The following LRRC4C variants were observed in gnomAD, a reference collection of about 807,000 sequenced individuals.
LRRC4C encodes leucine-rich repeat-containing protein 4C.
LRRC4C carries 5 observed loss-of-function variants against 33.6 expected under a neutral mutation model. The ratio of observed to expected loss-of-function variants is 0.15; its 90% confidence interval spans 0.08 to 0.31. LRRC4C has a LOEUF of 0.31. Among genes scored for constraint, LRRC4C ranks in the 10% least tolerant of loss-of-function variants. The pLI is 1.00. For synonymous variants in LRRC4C, 329 were observed against 302.0 expected, an observed-to-expected ratio of 1.09 and a Z score of -0.93; for missense variants, 560 against 796.7, an observed-to-expected ratio of 0.70 and a Z score of 3.58.
chr11:40,886,922 T>A (rs2136072877), intron 2 of LRRC4C, among the ~76,000 whole-genome samples: 1 of 149,250 alleles, frequency 6.7e-6, no homozygotes, highest in Admixed American at 6.7e-5. Context: ...CAGCAAATAT[T>A]TATATATATA....
intron 1 of LRRC4C, among the ~76,000 whole-genome samples, chr11:40,994,744 G>C (rs1853838079): frequency 1.3e-5 from 2 of 152,008 alleles, no homozygotes; most frequent in Non-Finnish European, 1.5e-5. Flanking sequence ...TCCCAACTTG[G>C]ATGGGCTCTT....
intron 2 of LRRC4C, among the ~76,000 whole-genome samples, chr11:40,784,048 C>A (rs540797895): frequency 2.0e-5 from 3 of 151,022 alleles, no homozygotes; most frequent in East Asian, 1.9e-4. Context: ...AAATAAGAAT[C>A]ATTTATCAAG....
chr11:40,715,348 A>G (rs147039110), intron 2 of LRRC4C, among the ~76,000 whole-genome samples: 22 of 152,344 alleles, frequency 1.4e-4, no homozygotes, highest in African/African-American at 5.3e-4. Context: ...ATAAAATGCC[A>G]TTTCAATTCA....
chr11:41,280,340 G>A (rs1949622763), intron 1 of LRRC4C, among the ~76,000 whole-genome samples: 2 of 147,188 alleles, frequency 1.4e-5, no homozygotes, highest in Admixed American at 1.3e-4. Context: ...TTCCTAGATG[G>A]GTCAAGTAGT....
At chr11:40,643,187 C>T (rs545105381) in intron 3 of LRRC4C, among the ~76,000 whole-genome samples, 14 of 152,238 alleles carry the variant, frequency 9.2e-5, no homozygotes, top group Admixed American at 5.2e-4. Context: ...TATATACACA[C>T]ACACACAGAG....
chr11:40,700,801 T>C (rs542241035), intron 2 of LRRC4C, among the ~76,000 whole-genome samples: 2 of 152,262 alleles, frequency 1.3e-5, no homozygotes, highest in East Asian at 1.9e-4. Context: ...TTAACAATCA[T>C]TTACCCAAAG....
chr11:40,934,665 T>A (rs1957789392), intron 1 of LRRC4C, among the ~76,000 whole-genome samples: 1 of 152,150 alleles, frequency 6.6e-6, no homozygotes, highest in Non-Finnish European at 1.5e-5. Context: ...CTCTGAGGTT[T>A]CCTTCTAATT....
intron 2 of LRRC4C, among the ~76,000 whole-genome samples, chr11:40,740,433 A>G (rs1233281983): frequency 5.9e-5 from 9 of 151,876 alleles, no homozygotes; most frequent in Non-Finnish European, 8.8e-5. Context: ...TCTGCTGGCT[A>G]TTTTTTACCT....
chr11:40,388,430 G>A (rs540425522), intron 3 of LRRC4C, among the ~76,000 whole-genome samples: 10 of 152,268 alleles, frequency 6.6e-5, no homozygotes, highest in African/African-American at 1.9e-4. Flanking sequence ...AGACATTCAG[G>A]TTGCGCTTGG....
chr11:40,199,261 C>T (rs1006116257), intron 5 of LRRC4C, among the ~76,000 whole-genome samples: 6 of 151,952 alleles, frequency 3.9e-5, no homozygotes, highest in East Asian at 1.9e-4. Context: ...TGTAGAGACA[C>T]GGTTTCACAA....
At chr11:41,386,612 G>C (rs1347238555) in intron 1 of LRRC4C, among the ~76,000 whole-genome samples, 2 of 151,686 alleles carry the variant, frequency 1.3e-5, no homozygotes, top group Non-Finnish European at 3.0e-5. Context: ...CTTCAATCAA[G>C]TGTACATTCA....
intron 1 of LRRC4C, among the ~76,000 whole-genome samples, chr11:41,442,257 T>C (rs187936942): frequency 1.8e-3 from 278 of 152,026 alleles, no homozygotes; most frequent in Non-Finnish European, 3.2e-3. Context: ...CTATGACCCA[T>C]AATACAAAGT....
At chr11:40,274,696 G>A (rs531176890) in intron 4 of LRRC4C, among the ~76,000 whole-genome samples, 2 of 152,048 alleles carry the variant, frequency 1.3e-5, no homozygotes, top group African/African-American at 4.8e-5. Context: ...TCAGACTCTT[G>A]GATAGATAAA....
At chr11:40,544,425 G>A (rs908353275) in intron 3 of LRRC4C, among the ~76,000 whole-genome samples, 19 of 151,996 alleles carry the variant, frequency 1.3e-4, no homozygotes, top group African/African-American at 4.6e-4. Flanking sequence ...TATTACTGAC[G>A]ACACACAGTT....
intron 3 of LRRC4C, among the ~76,000 whole-genome samples, chr11:40,334,601 A>G (rs1373820137): frequency 6.6e-6 from 1 of 152,200 alleles, no homozygotes; most frequent in Non-Finnish European, 1.5e-5. Flanking sequence ...ACATTAATGA[A>G]CAAAGAATAC....
intron 4 of LRRC4C, among the ~76,000 whole-genome samples, chr11:40,263,588 C>T (rs1942026732): frequency 6.6e-6 from 1 of 152,094 alleles, no homozygotes; most frequent in Non-Finnish European, 1.5e-5. Context: ...TTCCTGGGCT[C>T]AAGAGATCCT....
At chr11:40,729,583 A>G (rs1172116747) in intron 2 of LRRC4C, among the ~76,000 whole-genome samples, 1 of 152,070 alleles carries the variant, frequency 6.6e-6, no homozygotes, top group Non-Finnish European at 1.5e-5. Flanking sequence ...TCCTCACTCA[A>G]CATTTGCCTG....
At chr11:40,775,593 C>A (rs1276821971) in intron 2 of LRRC4C, among the ~76,000 whole-genome samples, 1 of 152,100 alleles carries the variant, frequency 6.6e-6, no homozygotes, top group Non-Finnish European at 1.5e-5. Flanking sequence ...ATTATTGATG[C>A]ATGGAGATGC....
intron 1 of LRRC4C, among the ~76,000 whole-genome samples, chr11:41,038,553 T>C (rs888666838): frequency 6.6e-6 from 1 of 152,190 alleles, no homozygotes; most frequent in African/African-American, 2.4e-5. Flanking sequence ...GGCACTATCA[T>C]GTACTCTACA....
Sources: gnomAD v4.1 joint callset for allele counts (sites outside exome capture counted in the v4.1 genomes callset) on GRCh38, gnomAD v4.1.1 for gene constraint, MANE v1.5 for transcripts, NCBI Gene and HGNC (gene_info 2026-07-23, HGNC 2026-07-21) for gene names.